GRM7: variants seen among roughly 807,000 people sequenced by gnomAD.
GRM7 encodes the protein glutamate metabotropic receptor 7.
Under a neutral mutation model 84.5 loss-of-function variants are expected in GRM7, and 35 were observed. The ratio of observed to expected loss-of-function variants is 0.41; its 90% CI spans 0.32 to 0.55. GRM7 has a LOEUF of 0.55. Among genes scored for constraint, GRM7 ranks in the 20% least tolerant of loss-of-function variants. GRM7 has a pLI of 0.19. For missense variants in GRM7, 1,003 were observed against 1,194.6 expected, an observed-to-expected ratio of 0.84 and a Z score of 2.36; for synonymous variants, 487 against 455.1, an observed-to-expected ratio of 1.07 and a Z score of -0.89.
chr3:6,873,039 C>G (rs1386954036), intron 1 of GRM7, among the ~76,000 whole-genome samples: 1 of 152,170 alleles, frequency 6.6e-6, no homozygotes, highest in Non-Finnish European at 1.5e-5. Context: ...AATCACCACA[C>G]TGTCTTCCAC....
At chr3:7,267,259 T>C (rs890910352) in intron 2 of GRM7, among the ~76,000 whole-genome samples, 6 of 152,224 alleles carry the variant, frequency 3.9e-5, no homozygotes, top group African/African-American at 1.4e-4. Context: ...CCCAACTCAC[T>C]GTCTTTGGTT....
intron 2 of GRM7, among the ~76,000 whole-genome samples, chr3:7,160,802 C>T (rs1307427161): frequency 6.6e-6 from 1 of 152,064 alleles, no homozygotes; most frequent in Non-Finnish European, 1.5e-5. Flanking sequence ...TCCCATAGCA[C>T]CCCATACTTC....
intron 1 of GRM7, among the ~76,000 whole-genome samples, chr3:7,107,894 A>G (rs183091356): frequency 3.3e-5 from 5 of 152,160 alleles, no homozygotes; most frequent in Admixed American, 3.3e-4. Context: ...CAAAGAGCCA[A>G]TTTCAGAGAA....
At chr3:6,967,692 C>T (rs1693582097) in intron 1 of GRM7, among the ~76,000 whole-genome samples, 1 of 152,106 alleles carries the variant, frequency 6.6e-6, no homozygotes, top group Non-Finnish European at 1.5e-5. Context: ...TATATTGATA[C>T]AGAACAAATA....
intron 1 of GRM7, among the ~76,000 whole-genome samples, chr3:6,937,213 T>G (rs527325301): frequency 6.2e-4 from 95 of 152,358 alleles, no homozygotes; most frequent in Non-Finnish European, 1.1e-3. Flanking sequence ...CACTTCTTGC[T>G]GCTGCTTTGA....
intron 7 of GRM7, among the ~76,000 whole-genome samples, chr3:7,472,072 G>C (rs963667992): frequency 3.9e-5 from 6 of 152,054 alleles, no homozygotes; most frequent in Admixed American, 1.3e-4. Context: ...AAAGAGCTGG[G>C]TGTTAAAAAG....
At chr3:7,624,546 A>G (rs985276558) in intron 8 of GRM7, among the ~76,000 whole-genome samples, 12 of 152,140 alleles carry the variant, frequency 7.9e-5, no homozygotes, top group African/African-American at 2.7e-4. Context: ...CCCTTCCCAG[A>G]CACTACAAAA....
intron 4 of GRM7, among the ~76,000 whole-genome samples, chr3:7,373,479 C>T (rs1255359614): frequency 6.6e-6 from 1 of 152,180 alleles, no homozygotes; most frequent in Non-Finnish European, 1.5e-5. Flanking sequence ...TATCAGTCTT[C>T]TCCAGTTAAT....
intron 9 of GRM7, among the ~76,000 whole-genome samples, chr3:7,726,494 C>A (rs547200289): frequency 6.6e-6 from 1 of 150,610 alleles, no homozygotes; most frequent in African/African-American, 2.4e-5. Flanking sequence ...AATCATTTCT[C>A]CCTACATTTT....
At chr3:7,231,103 A>G (rs1697182005) in intron 2 of GRM7, among the ~76,000 whole-genome samples, 1 of 152,146 alleles carries the variant, frequency 6.6e-6, no homozygotes, top group South Asian at 2.1e-4. Flanking sequence ...GAAAGAGAAG[A>G]GGGCTCTGTC....
intron 2 of GRM7, among the ~76,000 whole-genome samples, chr3:7,292,822 A>G (rs1195266551): frequency 6.6e-6 from 1 of 151,762 alleles, no homozygotes; most frequent in African/African-American, 2.4e-5. Context: ...ACCTGAGGTC[A>G]GGAGTTCTAG....
At chr3:7,724,075 G>A (rs903608373) in intron 9 of GRM7, among the ~76,000 whole-genome samples, 9 of 152,046 alleles carry the variant, frequency 5.9e-5, no homozygotes, top group Non-Finnish European at 1.3e-4. Flanking sequence ...TGGAAAATAC[G>A]GAGCTGTTGT....
At chr3:7,409,762 G>A (rs1291843495) in intron 4 of GRM7, among the ~76,000 whole-genome samples, 1 of 151,806 alleles carries the variant, frequency 6.6e-6, no homozygotes, top group Non-Finnish European at 1.5e-5. Flanking sequence ...CACCACGCCC[G>A]GCGAATTTTT....
At chr3:7,332,700 A>C (rs1013041206) in intron 4 of GRM7, among the ~76,000 whole-genome samples, 1 of 152,192 alleles carries the variant, frequency 6.6e-6, no homozygotes, top group Non-Finnish European at 1.5e-5. Flanking sequence ...TCCAAGAACC[A>C]CGACAGGAAC....
chr3:7,516,104 G>A (rs1014222364), intron 7 of GRM7, among the ~76,000 whole-genome samples: 3 of 144,896 alleles, frequency 2.1e-5, no homozygotes, highest in Non-Finnish European at 4.5e-5. Context: ...GGTAGAGCCC[G>A]CAGTGAGTGT....
intron 7 of GRM7, among the ~76,000 whole-genome samples, chr3:7,492,792 A>G (rs1348463079): frequency 2.6e-5 from 4 of 151,858 alleles, no homozygotes; most frequent in South Asian, 2.1e-4. Context: ...TATTTTGACA[A>G]CTTTCCTCAC....
At chr3:7,095,259 G>A (rs1473911951) in intron 1 of GRM7, among the ~76,000 whole-genome samples, 1 of 152,158 alleles carries the variant, frequency 6.6e-6, no homozygotes, top group Non-Finnish European at 1.5e-5. Context: ...GGAAATGGAA[G>A]CAATGAGTCT....
At chr3:7,336,322 G>C (rs1701419747) in intron 4 of GRM7, among the ~76,000 whole-genome samples, 1 of 151,480 alleles carries the variant, frequency 6.6e-6, no homozygotes, top group South Asian at 2.1e-4. Flanking sequence ...CAAAAAAAAA[G>C]CACTTGGCAA....
At chr3:7,079,564 C>T (rs1386808807) in intron 1 of GRM7, among the ~76,000 whole-genome samples, 1 of 151,940 alleles carries the variant, frequency 6.6e-6, no homozygotes, top group Non-Finnish European at 1.5e-5. Flanking sequence ...TACTTTGAAT[C>T]AGAGATGGGT....
Sources: allele counts gnomAD v4.1 joint callset (sites outside exome capture counted in the v4.1 genomes callset), GRCh38; gene constraint gnomAD v4.1.1; transcripts MANE v1.5; gene names NCBI Gene and HGNC (gene_info 2026-07-23, HGNC 2026-07-21).